Variants in DPP10 observed in about 807,000 individuals in gnomAD.
DPP10 encodes the protein inactive dipeptidyl peptidase 10.
DPP10 carries 33 observed loss-of-function variants against 120.9 expected under a neutral mutation model. The ratio of observed to expected loss-of-function variants is 0.27; its 90% CI spans 0.21 to 0.37. The LOEUF is 0.37. Among genes scored for constraint, DPP10 ranks in the 10% least tolerant of loss-of-function variants. The pLI, the probability that DPP10 is intolerant of heterozygous loss-of-function variation, is 1.00. For missense variants in DPP10, 816 were observed against 942.8 expected (o/e 0.87, Z 1.76); for synonymous variants, 337 against 326.1 (o/e 1.03, Z -0.36).
intron 1 of DPP10, among the ~76,000 whole-genome samples, chr2:115,085,445 G>A (rs1194389814): frequency 2.0e-5 from 3 of 152,116 alleles, no homozygotes; most frequent in Admixed American, 2.0e-4. Context: ...TATAATAAAA[G>A]TGGTCATTTC....
At chr2:115,298,789 C>A (rs2060998849) in intron 1 of DPP10, among the ~76,000 whole-genome samples, 1 of 151,962 alleles carries the variant, frequency 6.6e-6, no homozygotes, top group Admixed American at 6.6e-5. Flanking sequence ...AACAAGCTTT[C>A]AGATGATGCT....
chr2:115,425,299 A>ATT lies in DPP10; in HGVS notation c.272-74209_272-74208dup, dbSNP rs774269381. Among the ~76,000 whole-genome samples the ATT allele has an allele frequency of 1.6e-3, 242 of 152,270 alleles. 1 individual carries two copies. Among genetic ancestry groups the ATT allele is most frequent in the Non-Finnish European group, 2.3e-3 (157 of 68,010 alleles). On this transcript the variant is annotated intron_variant, in intron 3 of 25. Transcript: ENST00000410059. ...ATCTAGGCATTAAAAATGATTTTGAATTTGCTTACAAATGCTTACTTTCAA... is the reference window on the plus strand; with the variant it reads ...ATCTAGGCATTAAAAATGATTTTGAATTTTTGCTTACAAATGCTTACTTTCAA...
chr2:115,833,444 G>T (rs1012881338), intron 21 of DPP10, among the ~76,000 whole-genome samples: 2 of 152,084 alleles, frequency 1.3e-5, no homozygotes. Context: ...TTATGACAGA[G>T]AACTAGGAAC....
intron 1 of DPP10, among the ~76,000 whole-genome samples, chr2:114,975,111 C>T (rs1330352689): frequency 6.6e-6 from 1 of 151,536 alleles, no homozygotes; most frequent in Non-Finnish European, 1.5e-5. Flanking sequence ...GCGATCTCAG[C>T]TCACTGCAGC....
chr2:114,999,221 A>G lies in DPP10; in HGVS notation c.61-310018A>G, dbSNP rs1359055940. ...AGTTGACTGAATGAGTGAGTGAATG[A>G]GTGGAGAGAGCAATGCCAAGAGAGA... On this transcript the variant is annotated intron_variant, in intron 1 of 25. Transcript: ENST00000410059. Among the ~76,000 whole-genome samples, 4 of 152,178 alleles carry G rather than the reference A, an allele frequency of 2.6e-5. 1 individual carries two copies. Among genetic ancestry groups the G allele is most frequent in the Non-Finnish European group, 5.9e-5 (4 of 68,032 alleles).
intron 4 of DPP10, among the ~76,000 whole-genome samples, chr2:115,524,291 C>T (rs1383384347): frequency 6.6e-6 from 1 of 152,126 alleles, no homozygotes; most frequent in Non-Finnish European, 1.5e-5. Flanking sequence ...TGAGGGTTCT[C>T]ATTACCCCTT....
Position 115,842,487 on chromosome 2 carries a change from C to A in DPP10, c.*142C>A. On this transcript the variant is annotated 3_prime_UTR_variant, in exon 26 of 26. Coordinates refer to ENST00000410059, the MANE Select transcript of DPP10 (RefSeq NM_020868.6). ...GAGCAGCACGCTCAGAGACAGTGAA[C>A]TAGCATTTGAATACACAAGTCCAAG... 1.0e-6 allele frequency: 1 copy of A among 960,874 alleles called. No individual in the cohort carries two copies. Among genetic ancestry groups the A allele is most frequent in the Non-Finnish European group, 1.5e-6 (1 of 686,384 alleles). The allele number at this position is 960,874 out of a possible 1,614,324, so 59.5% of individuals were successfully genotyped here. A position where few individuals can be genotyped will look rare whatever the true frequency, so the allele number is the denominator to read the frequency against.
At chr2:115,235,209 T>C (rs1295838610) in intron 1 of DPP10, among the ~76,000 whole-genome samples, 1 of 152,170 alleles carries the variant, frequency 6.6e-6, no homozygotes, top group Non-Finnish European at 1.5e-5. Context: ...GTAAGAATAA[T>C]ATGAGCTGGA....
At chr2:115,763,692 A>G (rs1266658660) in intron 12 of DPP10, among the ~76,000 whole-genome samples, 1 of 152,188 alleles carries the variant, frequency 6.6e-6, no homozygotes, top group Non-Finnish European at 1.5e-5. Context: ...TTCACACTGC[A>G]GGCTAACTGA....
chr2:115,294,313 A>G (rs1400777199), intron 1 of DPP10, among the ~76,000 whole-genome samples: 1 of 152,158 alleles, frequency 6.6e-6, no homozygotes, highest in Non-Finnish European at 1.5e-5. Flanking sequence ...GAATGTATTT[A>G]TCAAATGTGT....
At chr2:115,652,698 AAC>A (rs2087908024) in intron 5 of DPP10, among the ~76,000 whole-genome samples, 1 of 151,738 alleles carries the variant, frequency 6.6e-6, no homozygotes, top group African/African-American at 2.4e-5. Flanking sequence ...CCATTTCGAG[AAC>A]AGTTGGGCAG....
intron 1 of DPP10, among the ~76,000 whole-genome samples, chr2:115,279,026 A>G (rs149151825): frequency 2.0e-5 from 3 of 152,322 alleles, no homozygotes; most frequent in African/African-American, 7.2e-5. Context: ...GTTATCTTTG[A>G]TTAGGTTATG....
In DPP10 at chr2:114,545,910, C is replaced by T. The variant is rs199857869; in HGVS notation, c.60+103072C>T. On this transcript the variant is annotated intron_variant, in intron 1 of 25. Transcript: ENST00000410059. ...GAGTGTCTTTTATCTTTGCTGCTGC[C>T]ATTTCATTACCTGGGACATTTGTGC... 3.3e-5 allele frequency among the ~76,000 whole-genome samples: 5 copies of T among 152,094 alleles called. No individual in the cohort carries two copies. The East Asian group carries it at 9.6e-4, about 29-fold the overall frequency.
chr2:115,368,756 C>T (rs918693894), intron 3 of DPP10, among the ~76,000 whole-genome samples: 7 of 150,952 alleles, frequency 4.6e-5, no homozygotes, highest in Non-Finnish European at 8.9e-5. Context: ...ATAGTCGGCT[C>T]CTTTTTTAAA....
intron 1 of DPP10, among the ~76,000 whole-genome samples, chr2:114,853,744 G>A (rs764151980): frequency 2.0e-5 from 3 of 152,176 alleles, no homozygotes; most frequent in Non-Finnish European, 4.4e-5. Context: ...AGTGGAGAAA[G>A]TTAGCTGCCC....
intron 1 of DPP10, among the ~76,000 whole-genome samples, chr2:114,492,339 CT>C (rs1283341184): frequency 3.3e-5 from 5 of 152,044 alleles, no homozygotes; most frequent in Non-Finnish European, 7.4e-5. Context: ...CTAGTGAAGA[CT>C]GTTAAATGAG....
At chr2:114,623,832 A>G (rs1273325654) in intron 1 of DPP10, among the ~76,000 whole-genome samples, 1 of 152,074 alleles carries the variant, frequency 6.6e-6, no homozygotes, top group Non-Finnish European at 1.5e-5. Context: ...CAAAATTAGT[A>G]ATTAAAATTC....
chr2:115,451,305 T>C (rs997391034), intron 3 of DPP10, among the ~76,000 whole-genome samples: 1 of 151,906 alleles, frequency 6.6e-6, no homozygotes, highest in African/African-American at 2.4e-5. Flanking sequence ...TAAATACATA[T>C]AATTTATTAT....
chr2:115,331,412 A>G (rs1322929409), intron 2 of DPP10, among the ~76,000 whole-genome samples: 2 of 152,054 alleles, frequency 1.3e-5, no homozygotes, highest in South Asian at 2.1e-4. Context: ...AATACCCTTT[A>G]TTTCTTCCTC....
Sources: gnomAD v4.1 joint callset for allele counts (sites outside exome capture counted in the v4.1 genomes callset) on GRCh38, gnomAD v4.1.1 for gene constraint, MANE v1.5 for transcripts, NCBI Gene and HGNC (gene_info 2026-07-23, HGNC 2026-07-21) for gene names.